Variants in COL9A2 observed in about 807,000 individuals in gnomAD.
The protein encoded by COL9A2 is collagen alpha-2(IX) chain.
In COL9A2, 66 loss-of-function variants were observed where a neutral mutation model predicts 111.6. The observed-to-expected ratio is 0.59, with a 90% CI of 0.48 to 0.73. COL9A2 has a LOEUF of 0.73. Ranked by LOEUF, COL9A2 falls within the 30% of genes least tolerant of loss-of-function variation. The pLI, the probability that COL9A2 is intolerant of heterozygous loss-of-function variation, is 0.00. For missense variants in COL9A2, 881 were observed against 954.1 expected (o/e 0.92, Z 1.01); for synonymous variants, 353 against 364.1 (o/e 0.97, Z 0.35).
intron 31 of COL9A2, 116 bp downstream of exon 31, chr1:40,301,696 T>C: frequency 1.0e-6 from 1 of 984,284 alleles, no homozygotes; most frequent in Non-Finnish European, 1.5e-6. Context: ...AGAAGCTGGG[T>C]ATCAAGGACT....
In COL9A2 at chr1:40,307,754, G is replaced by A. The variant is rs1557798361; in HGVS notation, c.903C>T (p.Gly301=). ...QGITGPKGAT[G]PPGINGKDGT... ...CATCCTTGCCGTTGATGCCTGGGGG[G>A]CCCTACCCAGGAGGAAAGTTCAAGG... The change falls in exon 18 of 32, where the codon GGC becomes GGT. Residue 301 remains glycine (G), a splice_region_variant and synonymous_variant. Coordinates refer to ENST00000372748, the MANE Select transcript of COL9A2 (RefSeq NM_001852.4). The surrounding 1 kb of genome is among the most constrained non-coding windows in gnomAD (Gnocchi z 4.8). The A allele has an allele frequency of 1.9e-6, 3 of 1,614,146 alleles. No homozygotes were observed. Among genetic ancestry groups the A allele is most frequent in the African/African-American group, 2.7e-5 (2 of 75,050 alleles).
rs1427056301 is a variant in COL9A2 at position 40,301,247 on chromosome 1, A to C, written c.2005T>G (p.Cys669Gly). The C allele has an allele frequency of 1.2e-6, 2 of 1,614,042 alleles. No individual in the cohort carries two copies. The highest frequency in any genetic ancestry group is 2.7e-5 in the African/African-American group (2 of 74,956). ...GAGGCATAGGCCGAAGCTCCAAGGC[A>C]GGCGGCAGGTTCACAGAAGCCCGGC... ...GLPGFCEPAA[C>G]LGASAYASAR... Residue 669 changes from cysteine (C) to glycine (G), a missense_variant, in exon 32 of 32, where the codon TGC (cysteine) becomes GGC (glycine). Coordinates refer to ENST00000372748, the MANE Select transcript of COL9A2 (RefSeq NM_001852.4).
intron 22 of COL9A2, 101 bp from the exon 23 acceptor site, chr1:40,304,630 G>T: frequency 6.9e-7 from 1 of 1,453,894 alleles, no homozygotes; most frequent in Non-Finnish European, 9.5e-7. Flanking sequence ...CTCCATTCCT[G>T]CTGTCACTGG....
At position 40,304,336 on chromosome 1, in the gene COL9A2, C is replaced by T. The variant is rs1273472050; in HGVS notation, c.1271G>A (p.Gly424Asp). The T allele has an allele frequency of 6.4e-7, 1 of 1,566,934 alleles. No individual in the cohort carries two copies. Among genetic ancestry groups the T allele is most frequent in the Admixed American group, 1.9e-5 (1 of 52,676 alleles). ...ATCTGGCACCTTGTCTCCTTTGACG[C>T]CTGGCAAGCCTTGGGGCCCTGGAAT... is the stretch of plus-strand genomic sequence containing the variant. ...PGIPGPQGLP[G>D]VKGDKGSPGK... is the part of the protein sequence containing the mutation. The change falls in exon 24 of 32, where the codon GGC (glycine) becomes GAC (aspartate). Residue 424 changes from glycine (G) to aspartate (D), a missense_variant. Coordinates refer to ENST00000372748, the MANE Select transcript of COL9A2 (RefSeq NM_001852.4).
Position 40,311,830 on chromosome 1 carries a change from T to C in COL9A2, c.418-115A>G. On this transcript the variant is annotated intron_variant, in intron 8 of 31. Coordinates refer to ENST00000372748, the MANE Select transcript of COL9A2 (RefSeq NM_001852.4). This position sits in a 1 kb window ranked among gnomAD's most constrained non-coding sequence, Gnocchi z 5.1. ...CCACCCTGTCTTCCCGGTCACTTTG[T>C]GAGATCCACCATCTTGGGAGATGAA... The C allele has an allele frequency of 1.7e-6, 2 of 1,182,746 alleles. No homozygotes were observed. Among genetic ancestry groups the C allele is most frequent in the Non-Finnish European group, 2.5e-6 (2 of 795,306 alleles). 73.3% of individuals were successfully genotyped at this position (1,182,746 alleles called of 1,614,324 possible). A position where few individuals can be genotyped will look rare whatever the true frequency, so the allele number is the denominator to read the frequency against.
rs1643945790 is a variant in COL9A2 at position 40,303,340 on chromosome 1, G to A, written c.1549-155C>T. ...ACAGATTGTACCTGGGCAGGGCCAAGGGCTTACTTGGGAAGGTCGCGGGGT... is the reference window on the plus strand; with the variant it reads ...ACAGATTGTACCTGGGCAGGGCCAAAGGCTTACTTGGGAAGGTCGCGGGGT... On this transcript the variant is annotated intron_variant, in intron 28 of 31. Coordinates refer to ENST00000372748, the MANE Select transcript of COL9A2 (RefSeq NM_001852.4). This position sits in a 1 kb window ranked among gnomAD's most constrained non-coding sequence, Gnocchi z 4.6. Among the ~76,000 whole-genome samples, 1 of 152,168 alleles carries A rather than the reference G, an allele frequency of 6.6e-6. No individual in the cohort carries two copies. Among genetic ancestry groups the A allele is most frequent in the South Asian group, 2.1e-4 (1 of 4,834 alleles).
rs1229949941 is a variant in COL9A2, at chr1:40,310,216, G to A, written c.738+48C>T. ...AGTCCTGGCTGAACTCCAGGGGCCA[G>A]AAGGCAGCTCCTGGAAGCTCTTGTA... On this transcript the variant is annotated intron_variant, in intron 14 of 31. Transcript: ENST00000372748. The surrounding 1 kb of genome is among the most constrained non-coding windows in gnomAD (Gnocchi z 4.9). 1 of 1,613,548 alleles carries A rather than the reference G, an allele frequency of 6.2e-7. No individual in the cohort carries two copies. Among genetic ancestry groups the A allele is most frequent in the Non-Finnish European group, 8.5e-7 (1 of 1,179,426 alleles).
At position 40,314,631 on chromosome 1, in the gene COL9A2, G is replaced by C. The variant is rs1298312423; in HGVS notation, c.151-244C>G. ...TGGAGAGGGTGACAGCAACATGCAA[G>C]AAGGTACAGACATGCTGATGTCATG... On this transcript the variant is annotated intron_variant, in intron 2 of 31. Transcript: ENST00000372748. The surrounding 1 kb of genome is among the most constrained non-coding windows in gnomAD (Gnocchi z 4.1). 6.6e-6 allele frequency among the ~76,000 whole-genome samples: 1 copy of C among 152,206 alleles called. No individual in the cohort carries two copies. Among genetic ancestry groups the C allele is most frequent in the African/African-American group, 2.4e-5 (1 of 41,448 alleles).
At position 40,301,153 on chromosome 1, in the gene COL9A2, G is replaced by A. The variant is rs2124030266; in HGVS notation, c.*29C>T. On this transcript the variant is annotated 3_prime_UTR_variant, in exon 32 of 32. Coordinates refer to ENST00000372748, the MANE Select transcript of COL9A2 (RefSeq NM_001852.4). ...GGGACCTGGTCCTTCCCGCCAGGATGCCTGCCAGGCTCTGTCTGGGCCTGA... is the reference window on the plus strand; with the variant it reads ...GGGACCTGGTCCTTCCCGCCAGGATACCTGCCAGGCTCTGTCTGGGCCTGA... 6.2e-7 allele frequency: 1 copy of A among 1,611,174 alleles called. No homozygotes were observed.
chr1:40,311,937 C>G lies in COL9A2; in HGVS notation c.417+122G>C. On this transcript the variant is annotated intron_variant, in intron 8 of 31. Transcript: ENST00000372748. This position sits in a 1 kb window ranked among gnomAD's most constrained non-coding sequence, Gnocchi z 5.1. ...GGGCTCATAGGAGGGGTTTCTGCCC[C>G]AGACCTGGAGGAGTTTCCCAGTGGC... is the stretch of plus-strand genomic sequence containing the variant. The G allele has an allele frequency of 8.4e-7, 1 of 1,184,824 alleles. No homozygotes were observed. The highest frequency in any genetic ancestry group is 1.2e-6 in the Non-Finnish European group (1 of 813,620). 73.4% of individuals were successfully genotyped at this position (1,184,824 alleles called of 1,614,324 possible).
Position 40,310,360 on chromosome 1 carries a change from C to A in COL9A2, c.685-43G>T. 6.3e-7 allele frequency: 1 copy of A among 1,593,412 alleles called. No individual in the cohort carries two copies. The highest frequency in any genetic ancestry group is 1.1e-5 in the South Asian group (1 of 90,738). On this transcript the variant is annotated intron_variant, in intron 13 of 31. Transcript: ENST00000372748. The surrounding 1 kb of genome is among the most constrained non-coding windows in gnomAD (Gnocchi z 4.9). ...TGACAGCAATGGCAATTGCAAGGCC[C>A]ACTTCATGATACCTTGTCTGATGCC...
Position 40,312,225 on chromosome 1 carries a change from T to TA in COL9A2, c.364-114_364-113insT. ...TCTCCACTTTTACTTTTTTTTTTTTTTTGCCAACCCCAGAGAGACTGACAG... is the reference window on the plus strand; with the variant it reads ...TCTCCACTTTTACTTTTTTTTTTTTTATTGCCAACCCCAGAGAGACTGACAG... On this transcript the variant is annotated intron_variant, in intron 7 of 31. Transcript: ENST00000372748. The surrounding 1 kb of genome is among the most constrained non-coding windows in gnomAD (Gnocchi z 6.0). 1 of 1,115,478 alleles carries TA rather than the reference T, an allele frequency of 9.0e-7. No homozygotes were observed. Among genetic ancestry groups the TA allele is most frequent in the Non-Finnish European group, 1.3e-6 (1 of 766,154 alleles). The allele number at this position is 1,115,478 out of a possible 1,614,324, so 69.1% of individuals were successfully genotyped here. A position where few individuals can be genotyped will look rare whatever the true frequency, so the allele number is the denominator to read the frequency against.
chr1:40,310,450 T>C lies in COL9A2; in HGVS notation c.685-133A>G, dbSNP rs1644105652. ...GAGTCTCTGTCTCATGGATGGGACA[T>C]GGAGGTTCAGAGATGAGGAGGGACT... is the stretch of plus-strand genomic sequence containing the variant. On this transcript the variant is annotated intron_variant, in intron 13 of 31. Transcript: ENST00000372748. The surrounding 1 kb of genome is among the most constrained non-coding windows in gnomAD (Gnocchi z 4.9). 7 of 964,322 alleles carry C rather than the reference T, an allele frequency of 7.3e-6. No individual in the cohort carries two copies. In the South Asian group the frequency reaches 9.5e-5, roughly 13 times the overall value. The allele number at this position is 964,322 out of a possible 1,614,324, so 59.7% of individuals were successfully genotyped here. A position where few individuals can be genotyped will look rare whatever the true frequency, so the allele number is the denominator to read the frequency against.
rs1471849037 is a variant in COL9A2, at chr1:40,311,391, C to T, written c.520-105G>A. On this transcript the variant is annotated intron_variant, in intron 10 of 31. Transcript: ENST00000372748. The surrounding 1 kb of genome is among the most constrained non-coding windows in gnomAD (Gnocchi z 5.1). ...CGCCTCACCTGGTGGAACCCCTGCACTGCAGCCCCTCCCCATCTCTCCAGA... is the reference window on the plus strand; with the variant it reads ...CGCCTCACCTGGTGGAACCCCTGCATTGCAGCCCCTCCCCATCTCTCCAGA... 7 of 1,574,480 alleles carry T rather than the reference C, an allele frequency of 4.4e-6. No homozygotes were observed. The highest frequency in any genetic ancestry group is 5.2e-6 in the Non-Finnish European group (6 of 1,154,498).
intron 24 of COL9A2, 105 bp from the exon 25 acceptor site, chr1:40,304,204 G>C: frequency 6.6e-7 from 1 of 1,522,848 alleles, no homozygotes; most frequent in Non-Finnish European, 8.8e-7. Context: ...TCGCCGACCA[G>C]ACCAGAACCC....
intron 16 of COL9A2, among the ~76,000 whole-genome samples, chr1:40,308,940 A>G (rs1644072636): frequency 6.6e-6 from 1 of 152,200 alleles, no homozygotes; most frequent in African/African-American, 2.4e-5. Context: ...TATAGTTAAA[A>G]AATTGCATTA....
At position 40,310,711 on chromosome 1, in the gene COL9A2, T is replaced by A. The variant is rs1644109055; in HGVS notation, c.684+3A>T. ...AGGGCCACTGAGGCAAGGTGTTCCTTACCGGTGGTCCAGGGATGCCTTGCT... is the reference window on the plus strand; with the variant it reads ...AGGGCCACTGAGGCAAGGTGTTCCTAACCGGTGGTCCAGGGATGCCTTGCT... On this transcript the variant is annotated splice_donor_region_variant and intron_variant, in intron 13 of 31. Coordinates refer to ENST00000372748, the MANE Select transcript of COL9A2 (RefSeq NM_001852.4). The surrounding 1 kb of genome is among the most constrained non-coding windows in gnomAD (Gnocchi z 4.9). The A allele has an allele frequency of 6.4e-7, 1 of 1,567,088 alleles. No homozygotes were observed. The highest frequency in any genetic ancestry group is 8.7e-7 in the Non-Finnish European group (1 of 1,155,264).
Position 40,312,577 on chromosome 1 carries a change from A to T in COL9A2, c.336T>A (p.Leu112=), listed in dbSNP as rs770793938. The T allele has an allele frequency of 6.2e-7, 1 of 1,614,134 alleles. No individual in the cohort carries two copies. Among genetic ancestry groups the T allele is most frequent in the Non-Finnish European group, 8.5e-7 (1 of 1,180,010 alleles). ...AGCCCTTGCAGGTTGTACTCACCGGAAGGCCAGGAGGACCAGGAAGCCCGG... is the reference window on the plus strand; with the variant it reads ...AGCCCTTGCAGGTTGTACTCACCGGTAGGCCAGGAGGACCAGGAAGCCCGG... ...GQPGLPGPPG[L]PGPGFAGPPG... is the part of the protein sequence containing the mutation. Residue 112 remains leucine, a synonymous_variant, in exon 6 of 32, where the codon CTT becomes CTA. Transcript: ENST00000372748. This position sits in a 1 kb window ranked among gnomAD's most constrained non-coding sequence, Gnocchi z 6.0.
At chr1:40,313,881 AG>A (rs1159148295) in intron 4 of COL9A2, among the ~76,000 whole-genome samples, 1 of 152,062 alleles carries the variant, frequency 6.6e-6, no homozygotes, top group Non-Finnish European at 1.5e-5. Context: ...ACACAAGGAC[AG>A]CCCCACCCAA....
Sources: allele counts gnomAD v4.1 joint callset (sites outside exome capture counted in the v4.1 genomes callset), GRCh38; gene constraint gnomAD v4.1.1; non-coding constraint Gnocchi (gnomAD v3.1); transcripts MANE v1.5; gene names NCBI Gene and HGNC (gene_info 2026-07-23, HGNC 2026-07-21).